The following CACNB4 variants were observed in gnomAD, a reference collection of about 807,000 sequenced individuals.
CACNB4 encodes voltage-dependent L-type calcium channel subunit beta-4.
In CACNB4, 32 loss-of-function variants were observed where a neutral mutation model predicts 71.2. The ratio of observed to expected loss-of-function variants is 0.45; its 90% CI spans 0.34 to 0.60. The LOEUF is 0.60. Ranked by LOEUF, CACNB4 falls within the 20% of genes least tolerant of loss-of-function variation. The probability of loss-of-function intolerance (pLI) is 0.01; values close to 1 mark genes in which losing one functional copy is unlikely to be tolerated. For synonymous variants in CACNB4, 231 were observed against 236.9 expected (o/e 0.97, Z 0.23); for missense variants, 464 against 647.9 (o/e 0.72, Z 3.08).
intron 2 of CACNB4, among the ~76,000 whole-genome samples, chr2:151,975,789 A>T (rs1177260851): frequency 1.3e-5 from 2 of 152,194 alleles, no homozygotes; most frequent in Non-Finnish European, 2.9e-5. Flanking sequence ...CTGAGACAAG[A>T]GGTTCTTTTT....
chr2:151,949,476 G>C (rs537036471), intron 2 of CACNB4, among the ~76,000 whole-genome samples: 1 of 48,556 alleles, frequency 2.1e-5, no homozygotes, highest in African/African-American at 7.0e-5. Context: ...GAAGGAGATG[G>C]AACAGTTAGT....
rs3068823 is a variant in CACNB4 at position 151,957,257 on chromosome 2, C to CGTGTATGTGTGTGTGTGTGTGTGT, written c.148-73888_148-73887insACACACACACACACACACATACAC. On this transcript the variant is annotated intron_variant, in intron 2 of 13. Transcript: ENST00000539935. Reference sequence around the variant, plus strand: ...AGAAAAAAAAAGTAGAGTGGCTGGGCGTGTGTGTGTGTGTGTGTGTGTGTG... The same window carrying CGTGTATGTGTGTGTGTGTGTGTGT: ...AGAAAAAAAAAGTAGAGTGGCTGGGCGTGTATGTGTGTGTGTGTGTGTGTGTGTGTGTGTGTGTGTGTGTGTGTG... Among the ~76,000 whole-genome samples the CGTGTATGTGTGTGTGTGTGTGTGT allele has an allele frequency of 1.9e-3, 250 of 131,866 alleles. 11 individuals carry two copies. Among genetic ancestry groups the CGTGTATGTGTGTGTGTGTGTGTGT allele is most frequent in the Non-Finnish European group, 3.1e-3 (189 of 61,764 alleles). 86.5% of individuals were successfully genotyped at this position (131,866 alleles called of 152,430 possible).
At chr2:151,873,256 T>C (rs2099845095) in intron 5 of CACNB4, 1 of 152,178 alleles carries the variant, frequency 6.6e-6, no homozygotes, top group African/African-American at 2.4e-5. Context: ...TCAGTACAGG[T>C]TGAATATCCC....
chr2:151,843,699 C>T (rs940974472), intron 12 of CACNB4, among the ~76,000 whole-genome samples: 8 of 152,168 alleles, frequency 5.3e-5, no homozygotes, highest in East Asian at 1.9e-4. Flanking sequence ...AAATAAGAAC[C>T]TCCCAGGAAT....
chr2:151,923,037 C>T (rs2099859350), intron 2 of CACNB4, among the ~76,000 whole-genome samples: 2 of 152,226 alleles, frequency 1.3e-5, no homozygotes, highest in Admixed American at 1.3e-4. Context: ...GAAGAAACAG[C>T]AAGGCTGGGC....
chr2:151,933,527 C>T (rs1326111189), intron 2 of CACNB4, among the ~76,000 whole-genome samples: 2 of 151,968 alleles, frequency 1.3e-5, no homozygotes, highest in East Asian at 1.9e-4. Flanking sequence ...AAAACTGTGG[C>T]TCAAAAAGAC....
At chr2:151,911,315 C>T (rs2099856103) in intron 2 of CACNB4, among the ~76,000 whole-genome samples, 1 of 152,150 alleles carries the variant, frequency 6.6e-6, no homozygotes, top group Non-Finnish European at 1.5e-5. Context: ...CCTGATTGCC[C>T]TGGCCAGAAC....
chr2:151,870,712 T>C (rs2099844410), intron 7 of CACNB4, 101 bp from the exon 8 acceptor site: 1 of 1,277,962 alleles, frequency 7.8e-7, no homozygotes, highest in African/African-American at 1.5e-5. Flanking sequence ...GAACGACAAA[T>C]GATTATCAAA....
chr2:151,901,884 G>T (rs1417311633), intron 2 of CACNB4, among the ~76,000 whole-genome samples: 1 of 152,114 alleles, frequency 6.6e-6, no homozygotes, highest in East Asian at 1.9e-4. Flanking sequence ...TACAAAATTG[G>T]AATACAATGG....
chr2:151,975,661 ACAC>A lies in CACNB4; in HGVS notation c.148-92294_148-92292del, dbSNP rs1282055588. 2.6e-5 allele frequency among the ~76,000 whole-genome samples: 4 copies of A among 152,280 alleles called. No homozygotes were observed. The East Asian group carries it at 7.7e-4, about 29-fold the overall frequency. On this transcript the variant is annotated intron_variant, in intron 2 of 13. Transcript: ENST00000539935. ...GTGGAACCTCGGTTCCCTCCCCCAT[ACAC>A]CAAGAGGACCAGATCAAAGGGCTGC...
intron 2 of CACNB4, among the ~76,000 whole-genome samples, chr2:152,037,642 A>G (rs1684664767): frequency 6.6e-6 from 1 of 152,198 alleles, no homozygotes; most frequent in South Asian, 2.1e-4. Flanking sequence ...TCTTGCTTAG[A>G]CCAAAAGCAC....
At chr2:151,948,748 C>T (rs1438690317) in intron 2 of CACNB4, among the ~76,000 whole-genome samples, 1 of 152,080 alleles carries the variant, frequency 6.6e-6, no homozygotes, top group Admixed American at 6.5e-5. Context: ...TATTTTGAAA[C>T]TACTAGTTCC....
chr2:151,964,083 A>AT (rs1334974140), intron 2 of CACNB4, among the ~76,000 whole-genome samples: 46 of 151,576 alleles, frequency 3.0e-4, no homozygotes, highest in African/African-American at 8.7e-4. Context: ...AAAAAAAAAA[A>AT]AAAAAAAGAA....
chr2:152,065,202 G>A (rs1686242143), intron 2 of CACNB4, among the ~76,000 whole-genome samples: 1 of 152,104 alleles, frequency 6.6e-6, no homozygotes, highest in Non-Finnish European at 1.5e-5. Context: ...AGCTAACATG[G>A]TGAAACCCTG....
intron 2 of CACNB4, among the ~76,000 whole-genome samples, chr2:151,931,425 C>A (rs1336661482): frequency 6.6e-6 from 1 of 152,188 alleles, no homozygotes; most frequent in Non-Finnish European, 1.5e-5. Flanking sequence ...TCCTGAATGG[C>A]CTGCTTATCC....
At chr2:151,862,765 A>G (rs1159609943) in intron 9 of CACNB4, among the ~76,000 whole-genome samples, 1 of 152,246 alleles carries the variant, frequency 6.6e-6, no homozygotes, top group Non-Finnish European at 1.5e-5. Context: ...ATGGTTAGTT[A>G]CAGCTCAGGT....
rs1044744320 is a variant in CACNB4, at chr2:151,978,271, T to C, written c.148-94901A>G. 1.2e-4 allele frequency among the ~76,000 whole-genome samples: 19 copies of C among 152,268 alleles called. 2 individuals are homozygous for C. Among genetic ancestry groups the C allele is most frequent in the Admixed American group, 1.2e-3 (19 of 15,302 alleles). On this transcript the variant is annotated intron_variant, in intron 2 of 13. Coordinates refer to ENST00000539935, the MANE Select transcript of CACNB4 (RefSeq NM_000726.5). ...ATGGAGATAATAGTTTTGAAATTAA[T>C]GAGTTAAGATATGAAAGATACATAG...
chr2:151,877,074 GATATCTATATATACAC>G lies in CACNB4; in HGVS notation c.391-534_391-519del. Among the ~76,000 whole-genome samples, 2 of 78,372 alleles carry G rather than the reference GATATCTATATATACAC, an allele frequency of 2.6e-5. 1 individual carries two copies. The highest frequency in any genetic ancestry group is 2.3e-4 in the Admixed American group (2 of 8,658). The allele number at this position is 78,372 out of a possible 152,430, so 51.4% of individuals were successfully genotyped here. Reference sequence around the variant, plus strand: ...ACATAGATAGCTATATATACACATAGATATCTATATATACACATAGATATCTATATATACATATATA... The same window carrying G: ...ACATAGATAGCTATATATACACATAGATAGATATCTATATATACATATATA... On this transcript the variant is annotated intron_variant, in intron 4 of 13. Coordinates refer to ENST00000539935, the MANE Select transcript of CACNB4 (RefSeq NM_000726.5).
intron 2 of CACNB4, among the ~76,000 whole-genome samples, chr2:151,957,217 C>T (rs1308811692): frequency 6.8e-6 from 1 of 147,382 alleles, no homozygotes; most frequent in Non-Finnish European, 1.5e-5. Context: ...TTTAAATTCA[C>T]TTTGATTTTT....
Sources: allele counts gnomAD v4.1 joint callset (sites outside exome capture counted in the v4.1 genomes callset), GRCh38; gene constraint gnomAD v4.1.1; transcripts MANE v1.5; gene names NCBI Gene and HGNC (gene_info 2026-07-23, HGNC 2026-07-21).